PPM1B: variants seen among roughly 807,000 people sequenced by gnomAD.
PPM1B encodes protein phosphatase 1B.
Under a neutral mutation model 43.0 loss-of-function variants are expected in PPM1B, and 22 were observed. The observed-to-expected ratio is 0.51, with a 90% confidence interval of 0.37 to 0.73. The LOEUF is 0.73. PPM1B is among the 30% of genes least tolerant of loss of function. The pLI, the probability that PPM1B is intolerant of heterozygous loss-of-function variation, is 0.00. For missense variants in PPM1B, 632 were observed against 584.2 expected, an observed-to-expected ratio of 1.08 and a Z score of -0.84; for synonymous variants, 217 against 197.9, an observed-to-expected ratio of 1.10 and a Z score of -0.81.
rs546611439 is a variant in PPM1B at position 44,214,332 on chromosome 2, G to A, written c.965-3635G>A. On this transcript the variant is annotated intron_variant, in intron 3 of 5. Coordinates refer to ENST00000282412, the MANE Select transcript of PPM1B (RefSeq NM_002706.6). ...GATCTGCCCGCCTCGGCCTCCCAAA[G>A]TGCTGGGATTACAGGCGTGAGCCAC... is the stretch of plus-strand genomic sequence containing the variant. Among the ~76,000 whole-genome samples the A allele has an allele frequency of 2.0e-5, 3 of 151,694 alleles. No homozygotes were observed. In the East Asian group the frequency reaches 5.8e-4, roughly 29 times the overall value.
intron 1 of PPM1B, among the ~76,000 whole-genome samples, chr2:44,187,671 T>G (rs758656659): frequency 1.5e-4 from 23 of 152,216 alleles, no homozygotes; most frequent in Non-Finnish European, 1.8e-4. Context: ...TTATTGTTTC[T>G]TTGATAATTT....
downstream of PPM1B, among the ~76,000 whole-genome samples, chr2:44,237,364 G>A (rs1267388075): frequency 2.6e-5 from 4 of 152,156 alleles, no homozygotes; most frequent in African/African-American, 2.4e-5. Context: ...CAGCATCACC[G>A]CCATTTCTCA....
rs1035218314 is a variant in PPM1B at position 44,170,258 on chromosome 2, T to A, written c.-15+984T>A. On this transcript the variant is annotated intron_variant, in intron 1 of 5. Transcript: ENST00000282412. ...TCTAAGAACAACTTGAAAACTTTTT[T>A]AAAAAGAGACGTTAATAACTGGGAA... Among the ~76,000 whole-genome samples, 9 of 152,192 alleles carry A rather than the reference T, an allele frequency of 5.9e-5. No homozygotes were observed. In the South Asian group the frequency reaches 1.0e-3, roughly 18 times the overall value.
At chr2:44,237,864 C>A (rs796873101), downstream of PPM1B, among the ~76,000 whole-genome samples, 7 of 152,084 alleles carry the variant, frequency 4.6e-5, no homozygotes, top group African/African-American at 1.7e-4. Flanking sequence ...GGTGGTTTTG[C>A]TTCATTCCTA....
At chr2:44,191,471 C>T (rs1469334839) in intron 1 of PPM1B, among the ~76,000 whole-genome samples, 5 of 152,214 alleles carry the variant, frequency 3.3e-5, no homozygotes, top group African/African-American at 4.8e-5. Context: ...GCCTCAGCCT[C>T]CCAAAGTGCT....
chr2:44,226,633 A>C (rs1273173439), intron 5 of PPM1B, among the ~76,000 whole-genome samples: 1 of 152,038 alleles, frequency 6.6e-6, no homozygotes, highest in Non-Finnish European at 1.5e-5. Context: ...AGGTAATTCC[A>C]ATGTGGAGCA....
In PPM1B at chr2:44,218,506, G is replaced by C. The variant is rs771060671; in HGVS notation, c.1103G>C (p.Ser368Thr). The change falls in exon 5 of 6, where the codon AGT (serine) becomes ACT (threonine). Residue 368 changes from serine (S) to threonine (T), a missense_variant. Around this residue, in one of 3 missense-constraint regions of PPM1B, gnomAD observed 392 missense variants for 302.7 expected, o/e 1.29. Transcript: ENST00000282412. Reference protein sequence around the residue: ...GKRNVIEAVYSRLNPHRESDG... With the variant: ...GKRNVIEAVYTRLNPHRESDG... ...CGTAATGTTATTGAAGCTGTTTATAGTAGACTGAATCCACATAGAGAAAGT... is the reference window on the plus strand; with the variant it reads ...CGTAATGTTATTGAAGCTGTTTATACTAGACTGAATCCACATAGAGAAAGT... 6.3e-7 allele frequency: 1 copy of C among 1,585,366 alleles called. No homozygotes were observed. Among genetic ancestry groups the C allele is most frequent in the Non-Finnish European group, 8.6e-7 (1 of 1,169,118 alleles).
chr2:44,183,601 C>T lies in PPM1B; in HGVS notation c.-15+14327C>T, dbSNP rs75190824. ...GCCTAAAGCTTCAGCTTCTTTATTA[C>T]ATAAGTACATTGAAGGGCATACCAG... On this transcript the variant is annotated intron_variant, in intron 1 of 5. Coordinates refer to ENST00000282412, the MANE Select transcript of PPM1B (RefSeq NM_002706.6). Among the ~76,000 whole-genome samples, 551 of 152,272 alleles carry T rather than the reference C, an allele frequency of 3.6e-3. 3 individuals carry two copies. Among genetic ancestry groups the T allele is most frequent in the African/African-American group, 0.013 (531 of 41,548 alleles).
intron 1 of PPM1B, among the ~76,000 whole-genome samples, chr2:44,184,001 G>A (rs561908445): frequency 9.2e-5 from 14 of 152,334 alleles, no homozygotes; most frequent in African/African-American, 3.1e-4. Context: ...GCCTCCCAAA[G>A]TGCTGGGATT....
chr2:44,234,560 G>C (rs1227121847), downstream of PPM1B: 3 of 985,588 alleles, frequency 3.0e-6, no homozygotes, highest in African/African-American at 1.7e-5. Context: ...CCGGCAGGGG[G>C]CAGGGTGGGG....
At chr2:44,244,926 T>C (rs910114876), downstream of PPM1B, among the ~76,000 whole-genome samples, 4 of 151,438 alleles carry the variant, frequency 2.6e-5, no homozygotes, top group African/African-American at 7.3e-5. Flanking sequence ...CTTTTGGCTT[T>C]TTTAGGGCGG....
chr2:44,230,201 G>C, intron 5 of PPM1B: 15 of 1,415,662 alleles, frequency 1.1e-5, no homozygotes, highest in South Asian at 1.6e-5. Context: ...ACATAAACTA[G>C]TTAATGGTAA....
chr2:44,218,542 GTT>G lies in PPM1B; in HGVS notation c.1134+8_1134+9del, dbSNP rs753559447. ...CCACATAGAGAAAGTGATGGGGTAAGTTTTATTTTATTTCATAAGCATTTGAA... is the reference window on the plus strand; with the variant it reads ...CCACATAGAGAAAGTGATGGGGTAAGTTATTTTATTTCATAAGCATTTGAA... On this transcript the variant is annotated splice_donor_region_variant and intron_variant, in intron 5 of 5. Transcript: ENST00000282412. 2.5e-5 allele frequency: 39 copies of G among 1,565,676 alleles called. No individual in the cohort carries two copies. In the Admixed American group the frequency reaches 7.5e-4, roughly 30 times the overall value.
intron 5 of PPM1B, among the ~76,000 whole-genome samples, chr2:44,221,625 A>T (rs186666786): frequency 1.0e-3 from 156 of 152,298 alleles, no homozygotes; most frequent in Non-Finnish European, 2.0e-3. Context: ...TAGATATTTA[A>T]ACAAAGAATT....
downstream of PPM1B, chr2:44,233,282 T>C (rs927528483): frequency 4.4e-6 from 4 of 907,180 alleles, no homozygotes; most frequent in South Asian, 1.0e-4. Flanking sequence ...TTTAAAATTA[T>C]CTATTTTAGA....
At chr2:44,197,575 T>C (rs1161593541) in intron 1 of PPM1B, among the ~76,000 whole-genome samples, 4 of 152,252 alleles carry the variant, frequency 2.6e-5, no homozygotes, top group East Asian at 1.9e-4. Context: ...GGATATGACA[T>C]TGAGTTGCCT....
intron 1 of PPM1B, among the ~76,000 whole-genome samples, chr2:44,170,588 G>A (rs1667287169): frequency 2.0e-5 from 3 of 152,204 alleles, no homozygotes. Flanking sequence ...TATGTTCTAG[G>A]AGATGGAGAA....
chr2:44,171,118 C>T (rs1307450542), intron 1 of PPM1B, among the ~76,000 whole-genome samples: 1 of 152,134 alleles, frequency 6.6e-6, no homozygotes, highest in African/African-American at 2.4e-5. Context: ...GTACATTATC[C>T]TCTGGATTTG....
At chr2:44,236,784 A>G (rs139397001), downstream of PPM1B, among the ~76,000 whole-genome samples, 2 of 152,166 alleles carry the variant, frequency 1.3e-5, no homozygotes, top group Non-Finnish European at 2.9e-5. Flanking sequence ...ATTTAAGGTT[A>G]TATTTTTTAA....
Sources: allele counts gnomAD v4.1 joint callset (sites outside exome capture counted in the v4.1 genomes callset), GRCh38; gene constraint gnomAD v4.1.1; regional missense constraint gnomAD v4.1.1; transcripts MANE v1.5; gene names NCBI Gene and HGNC (gene_info 2026-07-23, HGNC 2026-07-21).